Variants in SACS observed in about 807,000 individuals in gnomAD.
SACS encodes the protein sacsin.
Under a neutral mutation model 348.0 loss-of-function variants are expected in SACS, and 197 were observed. The ratio of observed to expected loss-of-function variants is 0.57; its 90% confidence interval spans 0.50 to 0.64. The LOEUF (loss-of-function observed/expected upper bound fraction) is 0.64. Ranked by LOEUF, SACS falls within the 30% of genes least tolerant of loss-of-function variation. SACS has a pLI of 0.00. For synonymous variants in SACS, 1,985 were observed against 1,910.6 expected, an observed-to-expected ratio of 1.04 and a Z score of -1.02; for missense variants, 4,999 against 5,360.8, an observed-to-expected ratio of 0.93 and a Z score of 2.11.
At chr13:23,373,796 A>AC (rs1871555432) in intron 3 of SACS, 1 of 58,596 alleles carries the variant, frequency 1.7e-5, no homozygotes, top group Non-Finnish European at 3.6e-5. Context: ...ACTCCGTCTC[A>AC]CAAAAAAAAA....
chr13:23,429,035 G>A (rs1454423801), intron 1 of SACS, among the ~76,000 whole-genome samples: 1 of 152,020 alleles, frequency 6.6e-6, no homozygotes, highest in Non-Finnish European at 1.5e-5. Context: ...GCCTTCAAAA[G>A]CTCAATTATT....
At position 23,355,579 on chromosome 13, in the gene SACS, G is replaced by A. The variant is rs776156836; in HGVS notation, c.1033C>T (p.Arg345Trp). 1.3e-4 allele frequency: 203 copies of A among 1,613,958 alleles called. No homozygotes were observed. The highest frequency in any genetic ancestry group is 1.7e-4 in the Admixed American group (10 of 59,998). ...CCCAGAATCTTTATAGAATTCGGCCGCTCATGTTTCAGTGCCTTACTCTCA... is the reference window on the plus strand; with the variant it reads ...CCCAGAATCTTTATAGAATTCGGCCACTCATGTTTCAGTGCCTTACTCTCA... ...SSESKALKHE[R>W]PNSIKILGTA... Residue 345 changes from arginine to tryptophan, a missense_variant, in exon 8 of 10, where the codon CGG becomes TGG. Transcript: ENST00000382292.
chr13:23,335,460 T>C lies in SACS; in HGVS notation c.8416A>G (p.Met2806Val), dbSNP rs941542740. The stretch of plus-strand genomic sequence containing the variant: ...TTTCCTTCAGAGTCCTCAGTATCCA[T>C]AGTATAGGTTATTTGTTGAACTGGT... ...DIPVQQITYTMDTEDSEGNLT... is the reference protein window; with the variant it reads ...DIPVQQITYTVDTEDSEGNLT... The change falls in exon 10 of 10, where the codon ATG (methionine) becomes GTG (valine). Residue 2806 changes from methionine to valine, a missense_variant. By Grantham distance (21) the Met-to-Val change is conservative (BLOSUM62 1). Transcript: ENST00000382292. The surrounding 1 kb of genome is among the most constrained non-coding windows in gnomAD (Gnocchi z 4.7). 2.5e-6 allele frequency: 4 copies of C among 1,613,754 alleles called. No individual in the cohort carries two copies. The highest frequency in any genetic ancestry group is 2.2e-5 in the East Asian group (1 of 44,884).
chr13:23,333,477 C>A lies in SACS; in HGVS notation c.10399G>T (p.Gly3467Cys). 6.2e-7 allele frequency: 1 copy of A among 1,612,868 alleles called. No homozygotes were observed. Among genetic ancestry groups the A allele is most frequent in the Non-Finnish European group, 8.5e-7 (1 of 1,179,178 alleles). Reference sequence around the variant, plus strand: ...TCAAGATCATCTACAGGTACACAACCAATCACCTCATATAGTTCTTTTAAG... The same window carrying A: ...TCAAGATCATCTACAGGTACACAACAAATCACCTCATATAGTTCTTTTAAG... ...IHLKELYEVI[G>C]CVPVDDLEVY... The change falls in exon 10 of 10, where the codon GGT (glycine) becomes TGT (cysteine). Residue 3467 changes from glycine (G) to cysteine (C), a missense_variant. Gly to Cys is a radical substitution (Grantham distance 159). This residue lies in a region of SACS where 734 missense variants were observed against 694.0 expected (regional missense o/e 1.06). Coordinates refer to ENST00000382292, the MANE Select transcript of SACS (RefSeq NM_014363.6).
intron 3 of SACS, among the ~76,000 whole-genome samples, 164 bp from the exon 4 acceptor site, chr13:23,371,329 T>C (rs778705523): frequency 6.6e-6 from 1 of 152,200 alleles, no homozygotes; most frequent in African/African-American, 2.4e-5. Context: ...ACAGATTTAG[T>C]CAAAAACTTT....
intron 7 of SACS, among the ~76,000 whole-genome samples, 193 bp from the exon 8 acceptor site, chr13:23,356,200 A>G (rs887249068): frequency 2.0e-5 from 3 of 152,254 alleles, no homozygotes; most frequent in Non-Finnish European, 2.9e-5. Flanking sequence ...ATTCAATCCA[A>G]TAACAAATGC....
intron 2 of SACS, among the ~76,000 whole-genome samples, chr13:23,384,413 T>G (rs1412923970): frequency 2.6e-5 from 4 of 152,266 alleles, no homozygotes; most frequent in Admixed American, 2.6e-4. Context: ...CATGTGTGGC[T>G]TGTCATGACC....
Position 23,379,134 on chromosome 13 carries a change from A to G in SACS, c.21-3865T>C, listed in dbSNP as rs114903932. On this transcript the variant is annotated intron_variant, in intron 2 of 9. Transcript: ENST00000382292. ...GGTAGTGAATCGAGGGTGTGACCCCAGCTCTCGCGCCTGCTGCTGGGAAAG... is the reference window on the plus strand; with the variant it reads ...GGTAGTGAATCGAGGGTGTGACCCCGGCTCTCGCGCCTGCTGCTGGGAAAG... 5.8e-3 allele frequency among the ~76,000 whole-genome samples: 888 copies of G among 152,136 alleles called. 12 individuals carry two copies. The highest frequency in any genetic ancestry group is 0.019 in the African/African-American group (807 of 41,490).
intron 2 of SACS, among the ~76,000 whole-genome samples, chr13:23,379,943 CT>C (rs936404653): frequency 2.0e-5 from 3 of 152,064 alleles, no homozygotes; most frequent in Non-Finnish European, 2.9e-5. Context: ...AATGAAATCT[CT>C]TTTTTTCTTT....
chr13:23,353,024 G>A (rs1001840300), intron 9 of SACS, among the ~76,000 whole-genome samples: 1 of 152,236 alleles, frequency 6.6e-6, no homozygotes, highest in Middle Eastern at 3.4e-3. Context: ...TGAACAGCAG[G>A]ACAAACCCAG....
At chr13:23,389,760 TC>T (rs1224916197) in intron 2 of SACS, among the ~76,000 whole-genome samples, 4 of 152,238 alleles carry the variant, frequency 2.6e-5, no homozygotes, top group Admixed American at 2.6e-4. Flanking sequence ...TAAAATCTGT[TC>T]TTTTTGTATT....
rs765155455 is a variant in SACS at position 23,355,372 on chromosome 13, G to A, written c.1240C>T (p.Leu414=). The part of the protein sequence containing the change: ...SSKLDSLADE[L]KFVPIIGIAM... Reference sequence around the variant, plus strand: ...ATTCCAATGATTGGGACAAATTTCAGTTCATCAGCTAAAGAGTCAAGCTTA... The same window carrying A: ...ATTCCAATGATTGGGACAAATTTCAATTCATCAGCTAAAGAGTCAAGCTTA... The change falls in exon 8 of 10, where the codon CTG becomes TTG. Residue 414 remains leucine, a synonymous_variant. Coordinates refer to ENST00000382292, the MANE Select transcript of SACS (RefSeq NM_014363.6). 2 of 1,614,076 alleles carry A rather than the reference G, an allele frequency of 1.2e-6. No homozygotes were observed. The highest frequency in any genetic ancestry group is 1.3e-5 in the African/African-American group (1 of 75,004).
chr13:23,420,231 A>G (rs1265068271), intron 1 of SACS, among the ~76,000 whole-genome samples: 2 of 152,024 alleles, frequency 1.3e-5, no homozygotes, highest in Non-Finnish European at 2.9e-5. Flanking sequence ...TTTACCTGGA[A>G]CCTGATGTCC....
chr13:23,334,579 T>A lies in SACS; in HGVS notation c.9297A>T (p.Arg3099Ser). The A allele has an allele frequency of 6.2e-7, 1 of 1,613,530 alleles. No homozygotes were observed. The highest frequency in any genetic ancestry group is 8.5e-7 in the Non-Finnish European group (1 of 1,179,760). ...PVSYVTPADI[R>S]SFLMTFSSPD... ...GAGAGGAAAATGTCATTAAAAAAGA[T>A]CTGATATCAGCAGGGGTCACATAAC... Residue 3099 changes from arginine (R) to serine (S), a missense_variant, in exon 10 of 10, where the codon AGA becomes AGT. Physicochemically the swap from Arg to Ser is moderately radical, Grantham distance 110. Coordinates refer to ENST00000382292, the MANE Select transcript of SACS (RefSeq NM_014363.6).
chr13:23,385,537 T>C (rs974543519), intron 2 of SACS, among the ~76,000 whole-genome samples: 5 of 152,084 alleles, frequency 3.3e-5, no homozygotes, highest in African/African-American at 1.2e-4. Flanking sequence ...TTTGTATTTT[T>C]AGTAGTGATG....
rs1267771542 is a variant in SACS at position 23,339,654 on chromosome 13, G to A, written c.4222C>T (p.Leu1408Phe). 1 of 1,613,620 alleles carries A rather than the reference G, an allele frequency of 6.2e-7. No individual in the cohort carries two copies. Among genetic ancestry groups the A allele is most frequent in the Admixed American group, 1.7e-5 (1 of 60,010 alleles). ...ACAGAATCTTCAAGTAAGTCATTAAGGTCATCAACTTTAATGTCACAATAA... is the reference window on the plus strand; with the variant it reads ...ACAGAATCTTCAAGTAAGTCATTAAAGTCATCAACTTTAATGTCACAATAA... Reference protein sequence around the residue: ...CCYCDIKVDDLNDLLEDSVEP... With the variant: ...CCYCDIKVDDFNDLLEDSVEP... The change falls in exon 10 of 10, where the codon CTT becomes TTT. Residue 1408 changes from leucine (L) to phenylalanine (F), a missense_variant. By Grantham distance (22) the Leu-to-Phe change is conservative. Coordinates refer to ENST00000382292, the MANE Select transcript of SACS (RefSeq NM_014363.6).
In SACS at chr13:23,340,118, A is replaced by T; in HGVS notation, c.3758T>A (p.Leu1253His). Residue 1253 changes from leucine to histidine, a missense_variant, in exon 10 of 10, where the codon CTT becomes CAT. Around this residue, in one of 6 missense-constraint regions of SACS, gnomAD observed 3,156 missense variants for 3,380.1 expected, o/e 0.93. Coordinates refer to ENST00000382292, the MANE Select transcript of SACS (RefSeq NM_014363.6). ...EDYYQFQHIL[L>H]EIYGFMHDHL... ...ATCATGCATGAATCCGTAAATCTCAAGCAAAATATGCTGGAATTGATAGTA... is the reference window on the plus strand; with the variant it reads ...ATCATGCATGAATCCGTAAATCTCATGCAAAATATGCTGGAATTGATAGTA... 1.2e-6 allele frequency: 2 copies of T among 1,613,908 alleles called. No individual in the cohort carries two copies. The highest frequency in any genetic ancestry group is 1.7e-5 in the Admixed American group (1 of 59,994).
At chr13:23,387,597 G>A (rs745747421) in intron 2 of SACS, among the ~76,000 whole-genome samples, 1 of 151,996 alleles carries the variant, frequency 6.6e-6, no homozygotes, top group East Asian at 1.9e-4. Flanking sequence ...CACCCTGACC[G>A]TTTCTTTTTG....
intron 2 of SACS, among the ~76,000 whole-genome samples, chr13:23,405,673 C>A (rs1263807709): frequency 6.6e-6 from 1 of 151,328 alleles, no homozygotes; most frequent in Non-Finnish European, 1.5e-5. Context: ...CCAGAATCTA[C>A]AAGGAACTTA....
Sources: allele counts gnomAD v4.1 joint callset (sites outside exome capture counted in the v4.1 genomes callset), GRCh38; gene constraint gnomAD v4.1.1; regional missense constraint gnomAD v4.1.1; non-coding constraint Gnocchi (gnomAD v3.1); transcripts MANE v1.5; gene names NCBI Gene and HGNC (gene_info 2026-07-23, HGNC 2026-07-21).